Variants in CSMD1 observed in about 807,000 individuals in gnomAD.
CSMD1 encodes the protein CUB and Sushi multiple domains 1.
A neutral mutation model predicts 417.5 loss-of-function variants in CSMD1; 213 were observed. The observed-to-expected ratio is 0.51, with a 90% CI of 0.46 to 0.57. The LOEUF (loss-of-function observed/expected upper bound fraction) is 0.57, where lower values mean the gene tolerates loss of function less well. Among genes scored for constraint, CSMD1 ranks in the 20% least tolerant of loss-of-function variants. The probability of loss-of-function intolerance (pLI) is 0.00; values close to 1 mark genes in which losing one functional copy is unlikely to be tolerated. For missense variants in CSMD1, 6,923 were observed against 4,529.7 expected (o/e 1.53, Z -15.17); for synonymous variants, 2,862 against 1,736.8 (o/e 1.65, Z -16.11).
intron 26 of CSMD1, among the ~76,000 whole-genome samples, chr8:3,237,291 C>G (rs113400885): frequency 6.6e-6 from 1 of 151,596 alleles, no homozygotes; most frequent in Non-Finnish European, 1.5e-5. Context: ...CATGGTGAAA[C>G]CCTGTCTGTA....
At chr8:3,613,969 A>G (rs1802016598) in intron 8 of CSMD1, among the ~76,000 whole-genome samples, 1 of 151,882 alleles carries the variant, frequency 6.6e-6, no homozygotes, top group African/African-American at 2.4e-5. Context: ...AGCAAAAATT[A>G]AAAATCCTTT....
At chr8:3,164,137 T>C (rs1270619143) in intron 37 of CSMD1, among the ~76,000 whole-genome samples, 2 of 152,186 alleles carry the variant, frequency 1.3e-5, no homozygotes, top group Non-Finnish European at 2.9e-5. Flanking sequence ...TGTCTTCATC[T>C]TACAGTACCG....
intron 3 of CSMD1, among the ~76,000 whole-genome samples, chr8:4,118,123 G>C (rs1026075100): frequency 6.6e-6 from 1 of 152,084 alleles, no homozygotes; most frequent in African/African-American, 2.4e-5. Flanking sequence ...GTACAGAATA[G>C]TGAGGAAACG....
chr8:4,307,525 G>A lies in CSMD1; in HGVS notation c.415+112428C>T, dbSNP rs148001911. Among the ~76,000 whole-genome samples the A allele has an allele frequency of 8.5e-5, 13 of 152,250 alleles. 1 individual carries two copies. The highest frequency in any genetic ancestry group is 1.9e-4 in the African/African-American group (8 of 41,556). ...TACCCTGTTATGTCAACCATGCCTG[G>A]TCTGTTCAAGTAATAGCATATTTTA... On this transcript the variant is annotated intron_variant, in intron 3 of 69. Transcript: ENST00000635120.
At chr8:4,140,863 G>T (rs147143548) in intron 3 of CSMD1, among the ~76,000 whole-genome samples, 2 of 150,950 alleles carry the variant, frequency 1.3e-5, no homozygotes, top group Non-Finnish European at 2.9e-5. Context: ...GCCCAAGAGG[G>T]CATTTGGGAG....
rs890414620 is a variant in CSMD1 at position 4,285,064 on chromosome 8, G to C, written c.415+134889C>G. On this transcript the variant is annotated intron_variant, in intron 3 of 69. Coordinates refer to ENST00000635120, the MANE Select transcript of CSMD1 (RefSeq NM_033225.6). Reference sequence around the variant, plus strand: ...TGTTGTAAGCATAACACAATAGTCAGAATGATGCCTAGTGTGTAGGAAAGT... The same window carrying C: ...TGTTGTAAGCATAACACAATAGTCACAATGATGCCTAGTGTGTAGGAAAGT... Among the ~76,000 whole-genome samples, 6 of 152,268 alleles carry C rather than the reference G, an allele frequency of 3.9e-5. No individual in the cohort carries two copies. In the East Asian group the frequency reaches 5.8e-4, roughly 15 times the overall value.
At chr8:3,645,232 C>G (rs565925029) in intron 7 of CSMD1, among the ~76,000 whole-genome samples, 1 of 152,308 alleles carries the variant, frequency 6.6e-6, no homozygotes, top group Admixed American at 6.5e-5. Flanking sequence ...AAGAAGACCT[C>G]TCTAGACCAA....
At chr8:3,190,139 G>C in intron 33 of CSMD1, 24 bp from the exon 34 acceptor site, 1 of 1,554,572 alleles carries the variant, frequency 6.4e-7, no homozygotes, top group East Asian at 2.4e-5. Flanking sequence ...ACAGAACACA[G>C]CCGTCTGTAT....
At chr8:2,998,272 G>A in intron 53 of CSMD1, 88 bp from the exon 54 acceptor site, 1 of 1,372,242 alleles carries the variant, frequency 7.3e-7, no homozygotes, top group Non-Finnish European at 1.0e-6. Flanking sequence ...ATGCAGGCAT[G>A]CTAACGGTAT....
chr8:4,967,411 A>C (rs991469273), intron 1 of CSMD1, among the ~76,000 whole-genome samples: 3 of 152,154 alleles, frequency 2.0e-5, no homozygotes, highest in African/African-American at 7.2e-5. Context: ...CATATTGATA[A>C]ATAACTACAT....
chr8:4,941,195 C>T (rs1478935628), intron 1 of CSMD1, among the ~76,000 whole-genome samples: 1 of 152,212 alleles, frequency 6.6e-6, no homozygotes, highest in Non-Finnish European at 1.5e-5. Context: ...AATATTGTAA[C>T]ATTCATTCTT....
chr8:4,601,006 G>C (rs1800549916), intron 2 of CSMD1, among the ~76,000 whole-genome samples: 1 of 150,040 alleles, frequency 6.7e-6, no homozygotes, highest in South Asian at 2.1e-4. Context: ...ACCCAGGCTG[G>C]AGTGCAACGG....
chr8:3,066,352 A>G (rs577250391), intron 49 of CSMD1, among the ~76,000 whole-genome samples: 1 of 152,382 alleles, frequency 6.6e-6, no homozygotes, highest in South Asian at 2.1e-4. Flanking sequence ...ACATGGTCAG[A>G]GAATAAGTCA....
intron 10 of CSMD1, among the ~76,000 whole-genome samples, chr8:3,567,044 G>C (rs951132956): frequency 1.3e-5 from 2 of 152,216 alleles, no homozygotes; most frequent in African/African-American, 4.8e-5. Context: ...ATCGATGGTA[G>C]ACTGGATAAA....
intron 3 of CSMD1, among the ~76,000 whole-genome samples, chr8:4,263,794 T>C (rs931120527): frequency 1.4e-4 from 21 of 152,336 alleles, no homozygotes; most frequent in African/African-American, 5.0e-4. Context: ...CAATTGTGAC[T>C]GGCTCACCTA....
chr8:3,338,567 T>G (rs2117584579), intron 23 of CSMD1, among the ~76,000 whole-genome samples: 1 of 152,250 alleles, frequency 6.6e-6, no homozygotes, highest in African/African-American at 2.4e-5. Flanking sequence ...TTCCCTGTCT[T>G]TAAATTAAAC....
chr8:4,058,161 C>T (rs989884400), intron 3 of CSMD1, among the ~76,000 whole-genome samples: 1 of 152,148 alleles, frequency 6.6e-6, no homozygotes, highest in South Asian at 2.1e-4. Flanking sequence ...TCTTCCTACC[C>T]ATGAGCATGG....
At chr8:4,675,909 A>G (rs532387459) in intron 1 of CSMD1, among the ~76,000 whole-genome samples, 11 of 152,288 alleles carry the variant, frequency 7.2e-5, no homozygotes, top group African/African-American at 2.2e-4. Flanking sequence ...CTAGTAGAAA[A>G]AGAGAAAAAT....
chr8:4,161,920 C>G (rs1387753450), intron 3 of CSMD1, among the ~76,000 whole-genome samples: 1 of 152,098 alleles, frequency 6.6e-6, no homozygotes, highest in African/African-American at 2.4e-5. Flanking sequence ...GTTCATATCC[C>G]TTTCGTTTAA....
Sources: allele counts gnomAD v4.1 joint callset (sites outside exome capture counted in the v4.1 genomes callset), GRCh38; gene constraint gnomAD v4.1.1; transcripts MANE v1.5; gene names NCBI Gene and HGNC (gene_info 2026-07-23, HGNC 2026-07-21).